GTF2F2: variants seen among roughly 807,000 people sequenced by gnomAD.
GTF2F2 encodes ATP-dependent helicase GTF2F2.
In GTF2F2, 23 loss-of-function variants were observed where a neutral mutation model predicts 42.2. The observed-to-expected ratio is 0.55, with a 90% CI of 0.39 to 0.77. GTF2F2 has a LOEUF of 0.77. Among genes scored for constraint, GTF2F2 ranks in the 30% least tolerant of loss-of-function variants. The probability of loss-of-function intolerance (pLI) is 0.00; values close to 1 mark genes in which losing one functional copy is unlikely to be tolerated. For synonymous variants in GTF2F2, 105 were observed against 100.8 expected (o/e 1.04, Z -0.25); for missense variants, 261 against 287.2 (o/e 0.91, Z 0.66).
In GTF2F2 at chr13:45,127,938, C is replaced by CTTTTT. The variant is rs1161627204; in HGVS notation, c.66+7244_66+7248dup. 6.1e-3 allele frequency among the ~76,000 whole-genome samples: 296 copies of CTTTTT among 48,618 alleles called. 13 individuals are homozygous for CTTTTT. Among genetic ancestry groups the CTTTTT allele is most frequent in the Non-Finnish European group, 7.1e-3 (188 of 26,530 alleles). The allele number at this position is 48,618 out of a possible 152,430, so 31.9% of individuals were successfully genotyped here. A position where few individuals can be genotyped will look rare whatever the true frequency, so the allele number is the denominator to read the frequency against. On this transcript the variant is annotated intron_variant, in intron 1 of 7. Coordinates refer to ENST00000340473, the MANE Select transcript of GTF2F2 (RefSeq NM_004128.3). ...GAGCCACTGTGCCTGGCACCCCGGC[C>CTTTTT]TTTTTTTTTTTTTTTTTTTTTTTTT...
intron 4 of GTF2F2, among the ~76,000 whole-genome samples, chr13:45,154,110 G>A (rs1280159406): frequency 6.6e-6 from 1 of 152,024 alleles, no homozygotes; most frequent in African/African-American, 2.4e-5. Context: ...TCCCTGGAGT[G>A]GAAGAGGCAT....
intron 5 of GTF2F2, among the ~76,000 whole-genome samples, chr13:45,217,778 A>C (rs1873953470): frequency 6.6e-6 from 1 of 152,258 alleles, no homozygotes; most frequent in Admixed American, 6.5e-5. Context: ...GAAAATCAAC[A>C]GGGTTAACCT....
At chr13:45,234,335 A>T (rs866255980) in intron 5 of GTF2F2, among the ~76,000 whole-genome samples, 1 of 152,200 alleles carries the variant, frequency 6.6e-6, no homozygotes, top group South Asian at 2.1e-4. Context: ...GTTTGTAAAT[A>T]GAGCTAGCAG....
chr13:45,121,891 G>C (rs550525724), intron 1 of GTF2F2, among the ~76,000 whole-genome samples: 7 of 151,138 alleles, frequency 4.6e-5, no homozygotes, highest in East Asian at 3.9e-4. Context: ...CATGTTACTT[G>C]GGGGGAGAGT....
At chr13:45,212,635 C>T (rs919708262) in intron 5 of GTF2F2, among the ~76,000 whole-genome samples, 4 of 150,926 alleles carry the variant, frequency 2.7e-5, no homozygotes, top group South Asian at 2.1e-4. Flanking sequence ...GAGCGATCTC[C>T]GCTCACTCCA....
intron 7 of GTF2F2, among the ~76,000 whole-genome samples, chr13:45,270,032 A>G (rs568572605): frequency 1.8e-4 from 27 of 152,260 alleles, no homozygotes; most frequent in African/African-American, 6.5e-4. Context: ...AGGTTTCACC[A>G]TGTTGACAAG....
intron 6 of GTF2F2, 67 bp downstream of exon 6, chr13:45,253,037 A>T (rs1271022048): frequency 1.8e-5 from 12 of 666,620 alleles, no homozygotes; most frequent in Non-Finnish European, 3.0e-5. Flanking sequence ...ATAGAGTCTT[A>T]GGTTTCCAAA....
At chr13:45,253,670 C>T (rs1269592475) in intron 6 of GTF2F2, among the ~76,000 whole-genome samples, 2 of 152,166 alleles carry the variant, frequency 1.3e-5, no homozygotes, top group African/African-American at 2.4e-5. Flanking sequence ...TTGCTCCATC[C>T]CATCCATGAT....
intron 2 of GTF2F2, among the ~76,000 whole-genome samples, chr13:45,142,531 G>A (rs1287039310): frequency 6.6e-6 from 1 of 152,162 alleles, no homozygotes; most frequent in Non-Finnish European, 1.5e-5. Flanking sequence ...GACAAATAAG[G>A]AGCAAATTGT....
chr13:45,174,050 A>G (rs1871739375), intron 4 of GTF2F2, among the ~76,000 whole-genome samples: 1 of 152,124 alleles, frequency 6.6e-6, no homozygotes, highest in East Asian at 1.9e-4. Context: ...ATTCCTTTCT[A>G]TTGCTGAGTA....
rs1244267069 is a variant in GTF2F2, at chr13:45,241,162, A to T, written c.387-11709A>T. ...GGGCAACAGAATGAGACCTTGCCTT[A>T]AAAAAAAGTAAATAAATATAAAATA... On this transcript the variant is annotated intron_variant, in intron 5 of 7. Transcript: ENST00000340473. Among the ~76,000 whole-genome samples the T allele has an allele frequency of 2.1e-5, 3 of 139,744 alleles. 1 individual carries two copies. Among genetic ancestry groups the T allele is most frequent in the Non-Finnish European group, 4.5e-5 (3 of 66,398 alleles). 91.7% of individuals were successfully genotyped at this position (139,744 alleles called of 152,430 possible). A position where few individuals can be genotyped will look rare whatever the true frequency, so the allele number is the denominator to read the frequency against.
intron 4 of GTF2F2, among the ~76,000 whole-genome samples, chr13:45,203,240 C>CT (rs534331107): frequency 0.045 from 6,321 of 140,504 alleles, 376 homozygotes; most frequent in African/African-American, 0.14. Flanking sequence ...CCACGCCCAC[C>CT]TTTTTTTTTT....
rs547699728 is a variant in GTF2F2 at position 45,144,145 on chromosome 13, G to A, written c.141-5625G>A. Among the ~76,000 whole-genome samples the A allele has an allele frequency of 1.8e-4, 27 of 152,076 alleles. 1 individual carries two copies. The highest frequency in any genetic ancestry group is 4.6e-4 in the African/African-American group (19 of 41,494). On this transcript the variant is annotated intron_variant, in intron 2 of 7. Transcript: ENST00000340473. ...TGTGTGGCTATAATCCCAGCTCCTC[G>A]GGAGGCTGAGGCAGGAGAATCGCTT...
chr13:45,172,270 T>C (rs1871635648), intron 4 of GTF2F2, among the ~76,000 whole-genome samples: 2 of 152,230 alleles, frequency 1.3e-5, no homozygotes, highest in Non-Finnish European at 2.9e-5. Context: ...GGTTTTGACT[T>C]GTATTTCTCT....
chr13:45,193,938 T>C, intron 4 of GTF2F2: 2 of 1,614,170 alleles, frequency 1.2e-6, no homozygotes, highest in Non-Finnish European at 1.7e-6. Context: ...TGTCTTCCTT[T>C]AGTACAAGTC....
At chr13:45,280,866 A>G (rs997327635) in intron 7 of GTF2F2, among the ~76,000 whole-genome samples, 3 of 152,126 alleles carry the variant, frequency 2.0e-5, no homozygotes, top group African/African-American at 7.2e-5. Flanking sequence ...TGTTCTTTTC[A>G]TTTTTGACCC....
intron 4 of GTF2F2, among the ~76,000 whole-genome samples, chr13:45,197,202 G>T (rs905360653): frequency 1.3e-5 from 2 of 151,466 alleles, no homozygotes; most frequent in Admixed American, 1.3e-4. Context: ...CAGACTTAAA[G>T]AAGAAAAATG....
intron 5 of GTF2F2, among the ~76,000 whole-genome samples, chr13:45,242,993 A>C (rs1379519579): frequency 6.6e-6 from 1 of 152,170 alleles, no homozygotes; most frequent in Non-Finnish European, 1.5e-5. Context: ...TATTACATGA[A>C]TTTTGTATTT....
At chr13:45,263,969 C>T (rs889207060) in intron 6 of GTF2F2, 1 of 154,588 alleles carries the variant, frequency 6.5e-6, no homozygotes, top group Non-Finnish European at 1.4e-5. Context: ...AAGTTTGTCA[C>T]TGACTTGTGT....
Sources: allele counts gnomAD v4.1 joint callset (sites outside exome capture counted in the v4.1 genomes callset), GRCh38; gene constraint gnomAD v4.1.1; transcripts MANE v1.5; gene names NCBI Gene and HGNC (gene_info 2026-07-23, HGNC 2026-07-21).